ENPP6: variants seen among roughly 807,000 people sequenced by gnomAD.
ENPP6 encodes ectonucleotide pyrophosphatase/phosphodiesterase 6.
A neutral mutation model predicts 42.0 loss-of-function variants in ENPP6; 32 were observed. The observed-to-expected ratio is 0.76, with a 90% confidence interval of 0.58 to 1.02. The LOEUF (loss-of-function observed/expected upper bound fraction) is 1.02. Among genes scored for constraint, ENPP6 ranks in the 50% least tolerant of loss-of-function variants. The pLI, the probability that ENPP6 is intolerant of heterozygous loss-of-function variation, is 0.00. For missense variants in ENPP6, 552 were observed against 566.8 expected (o/e 0.97, Z 0.27); for synonymous variants, 213 against 216.0 (o/e 0.99, Z 0.12).
intron 1 of ENPP6, among the ~76,000 whole-genome samples, chr4:184,158,474 C>G (rs1358649456): frequency 6.6e-6 from 1 of 152,158 alleles, no homozygotes; most frequent in Non-Finnish European, 1.5e-5. Flanking sequence ...GAAAATTCTC[C>G]TACTCTCAGT....
At chr4:184,182,233 A>G (rs899151260) in intron 1 of ENPP6, among the ~76,000 whole-genome samples, 22 of 152,132 alleles carry the variant, frequency 1.4e-4, no homozygotes, top group Non-Finnish European at 2.8e-4. Context: ...AAGAATACAT[A>G]CATGCAGCCA....
At chr4:184,113,178 A>G (rs1437045091) in intron 5 of ENPP6, among the ~76,000 whole-genome samples, 1 of 152,104 alleles carries the variant, frequency 6.6e-6, no homozygotes, top group Non-Finnish European at 1.5e-5. Context: ...GCAATGGAAT[A>G]CTCTACAGCA....
chr4:184,128,249 CG>C (rs1199293675), intron 2 of ENPP6, among the ~76,000 whole-genome samples: 2 of 152,170 alleles, frequency 1.3e-5, no homozygotes, highest in Non-Finnish European at 2.9e-5. Context: ...GGCACGATCT[CG>C]GGTCACTGCA....
chr4:184,151,293 A>T (rs960085262), intron 2 of ENPP6, among the ~76,000 whole-genome samples: 1 of 152,238 alleles, frequency 6.6e-6, no homozygotes, highest in Non-Finnish European at 1.5e-5. Context: ...AGCAGAGGTC[A>T]TGCCACTGCA....
At chr4:184,141,268 C>A (rs1225280428) in intron 2 of ENPP6, among the ~76,000 whole-genome samples, 1 of 152,186 alleles carries the variant, frequency 6.6e-6, no homozygotes, top group African/African-American at 2.4e-5. Context: ...CAGGCTCAAT[C>A]TGTGAAGTGG....
At chr4:184,165,600 C>T (rs1002386476) in intron 1 of ENPP6, among the ~76,000 whole-genome samples, 6 of 151,882 alleles carry the variant, frequency 4.0e-5, no homozygotes, top group Admixed American at 3.3e-4. Context: ...TTATCTCTTG[C>T]AATCAACTAT....
intron 1 of ENPP6, among the ~76,000 whole-genome samples, chr4:184,201,161 G>A (rs538599500): frequency 2.6e-5 from 4 of 152,254 alleles, no homozygotes; most frequent in East Asian, 3.9e-4. Flanking sequence ...CCTGGTTATC[G>A]TGTGGACACA....
chr4:184,210,154 G>A lies in ENPP6; in HGVS notation c.241+7425C>T, dbSNP rs1007746968. 4.7e-4 allele frequency among the ~76,000 whole-genome samples: 71 copies of A among 151,258 alleles called. 2 individuals are homozygous for A. Among genetic ancestry groups the A allele is most frequent in the South Asian group, 2.3e-3 (11 of 4,758 alleles). ...ATCATGCCAAAGTATAAAGACCATC[G>A]AGACTAGGAAGAAACTGCATCAACT... is the stretch of plus-strand genomic sequence containing the variant. On this transcript the variant is annotated intron_variant, in intron 1 of 7. Transcript: ENST00000296741.
At chr4:184,183,370 C>T (rs1325439336) in intron 1 of ENPP6, among the ~76,000 whole-genome samples, 1 of 152,218 alleles carries the variant, frequency 6.6e-6, no homozygotes, top group African/African-American at 2.4e-5. Flanking sequence ...TAAGCGTAGA[C>T]ACTTCCCACC....
At chr4:184,091,493 G>A in intron 7 of ENPP6, 111 bp from the exon 8 acceptor site, 1 of 993,582 alleles carries the variant, frequency 1.0e-6, no homozygotes, top group Non-Finnish European at 1.5e-6. Flanking sequence ...TGAGATTAGG[G>A]AATCAGCTCC....
intron 1 of ENPP6, among the ~76,000 whole-genome samples, chr4:184,201,414 CG>C (rs549209983): frequency 1.3e-5 from 2 of 151,848 alleles, no homozygotes; most frequent in East Asian, 1.9e-4. Flanking sequence ...GGAGGCGGGG[CG>C]GGGGGGTGTT....
At chr4:184,123,028 GT>G (rs1401928111) in intron 3 of ENPP6, among the ~76,000 whole-genome samples, 1 of 152,126 alleles carries the variant, frequency 6.6e-6, no homozygotes, top group Non-Finnish European at 1.5e-5. Context: ...TTTTAAACCT[GT>G]TTTCTCTCCG....
At chr4:184,109,202 C>T (rs1180183291) in intron 6 of ENPP6, among the ~76,000 whole-genome samples, 6 of 151,484 alleles carry the variant, frequency 4.0e-5, no homozygotes, top group African/African-American at 1.5e-4. Flanking sequence ...CAGAGGGAGA[C>T]TCCATCTCAA....
intron 1 of ENPP6, among the ~76,000 whole-genome samples, chr4:184,200,030 T>C (rs1316260383): frequency 1.3e-5 from 2 of 152,182 alleles, no homozygotes; most frequent in African/African-American, 4.8e-5. Flanking sequence ...GATATACACA[T>C]ATGCAATGGA....
At chr4:184,113,559 T>TA (rs1736249361) in intron 5 of ENPP6, among the ~76,000 whole-genome samples, 1 of 152,218 alleles carries the variant, frequency 6.6e-6, no homozygotes, top group African/African-American at 2.4e-5. Context: ...GCCCATGCTC[T>TA]AATATTATGT....
At chr4:184,204,766 C>T (rs1037586221) in intron 1 of ENPP6, among the ~76,000 whole-genome samples, 18 of 151,966 alleles carry the variant, frequency 1.2e-4, no homozygotes, top group Non-Finnish European at 4.4e-5. Flanking sequence ...GATTACTAGA[C>T]GTAAAGGGTA....
In ENPP6 at chr4:184,209,066, C is replaced by T. The variant is rs866324187; in HGVS notation, c.241+8513G>A. On this transcript the variant is annotated intron_variant, in intron 1 of 7. Coordinates refer to ENST00000296741, the MANE Select transcript of ENPP6 (RefSeq NM_153343.4). ...AAAACTAACAAACAGAAAGGACATC[C>T]ACACCAAAAACCCATCTGTACATCA... Among the ~76,000 whole-genome samples the T allele has an allele frequency of 4.4e-3, 646 of 147,556 alleles. 15 individuals carry two copies. Among genetic ancestry groups the T allele is most frequent in the African/African-American group, 0.016 (620 of 39,578 alleles).
At chr4:184,108,282 C>T (rs149053833) in intron 6 of ENPP6, among the ~76,000 whole-genome samples, 15 of 152,308 alleles carry the variant, frequency 9.8e-5, no homozygotes, top group Non-Finnish European at 1.9e-4. Flanking sequence ...GCTTTCGGGC[C>T]GAGAGTCTTG....
At chr4:184,137,859 A>G (rs1736756202) in intron 2 of ENPP6, among the ~76,000 whole-genome samples, 1 of 152,162 alleles carries the variant, frequency 6.6e-6, no homozygotes, top group Non-Finnish European at 1.5e-5. Flanking sequence ...TCAGCATTTG[A>G]CTGAAGGAGA....
Sources: gnomAD v4.1 joint callset for allele counts (sites outside exome capture counted in the v4.1 genomes callset) on GRCh38, gnomAD v4.1.1 for gene constraint, MANE v1.5 for transcripts, NCBI Gene and HGNC (gene_info 2026-07-23, HGNC 2026-07-21) for gene names.